The following CLEC19A variants were observed in gnomAD, a reference collection of about 807,000 sequenced individuals.
CLEC19A encodes C-type lectin domain family 19 member A.
A neutral mutation model predicts 26.1 loss-of-function variants in CLEC19A; 21 were observed. The observed-to-expected ratio is 0.80, with a 90% CI of 0.57 to 1.16. The LOEUF is 1.16. Among genes scored for constraint, CLEC19A ranks in the 50% most tolerant of loss-of-function variants. The pLI is 0.00. For missense variants in CLEC19A, 224 were observed against 227.6 expected, an observed-to-expected ratio of 0.98 and a Z score of 0.10; for synonymous variants, 89 against 88.6, an observed-to-expected ratio of 1.00 and a Z score of -0.03.
chr16:19,300,132 G>A (rs1897787264), intron 2 of CLEC19A, among the ~76,000 whole-genome samples: 1 of 152,050 alleles, frequency 6.6e-6, no homozygotes, highest in Admixed American at 6.6e-5. Flanking sequence ...GCTGGGGTAG[G>A]AGAATCGCTT....
chr16:19,307,179 G>A (rs1199502785), intron 3 of CLEC19A, among the ~76,000 whole-genome samples: 2 of 152,172 alleles, frequency 1.3e-5, no homozygotes, highest in Admixed American at 1.3e-4. Flanking sequence ...AGATAGACCT[G>A]GGTTTGATTC....
At chr16:19,298,055 A>C (rs571885706) in intron 1 of CLEC19A, among the ~76,000 whole-genome samples, 1 of 152,134 alleles carries the variant, frequency 6.6e-6, no homozygotes, top group East Asian at 1.9e-4. Flanking sequence ...CTTTGAGAGC[A>C]GCCTGACCAA....
intron 3 of CLEC19A, chr16:19,304,396 TA>T (rs35007845): frequency 0.19 from 38,171 of 196,054 alleles, 2,539 homozygotes; most frequent in Non-Finnish European, 0.23. Flanking sequence ...TGGGTTCTCT[TA>T]AAAAAAAAAA....
intron 2 of CLEC19A, among the ~76,000 whole-genome samples, chr16:19,301,736 G>GTTTTTTTTTGTTTTT (rs1897829577): frequency 3.7e-5 from 3 of 81,498 alleles, no homozygotes; most frequent in Non-Finnish European, 6.9e-5. Context: ...GGTTTTTTTG[G>GTTTTTTTTTGTTTTT]TTTTTTTTTT....
chr16:19,304,984 GCAC>G (rs1897920411), intron 3 of CLEC19A: 1 of 152,374 alleles, frequency 6.6e-6, no homozygotes, highest in Non-Finnish European at 1.5e-5. Flanking sequence ...TCCTGCACCA[GCAC>G]CATTACCCCT....
In CLEC19A at chr16:19,286,979, A is replaced by T. The variant is rs565536592; in HGVS notation, c.88+1040A>T. On this transcript the variant is annotated intron_variant, in intron 1 of 4. Transcript: ENST00000636231. Reference sequence around the variant, plus strand: ...ATGGGACGTATTTATACTAAAAATTATCTGTTTGTTTACCTGAAATCAAAT... The same window carrying T: ...ATGGGACGTATTTATACTAAAAATTTTCTGTTTGTTTACCTGAAATCAAAT... Among the ~76,000 whole-genome samples the T allele has an allele frequency of 5.3e-5, 8 of 151,014 alleles. No homozygotes were observed. In the South Asian group the frequency reaches 8.4e-4, roughly 16 times the overall value.
rs1265259614 is a variant in CLEC19A at position 19,310,475 on chromosome 16, A to G, written c.*1392A>G. 2.6e-5 allele frequency: 4 copies of G among 152,270 alleles called. No individual in the cohort carries two copies. The highest frequency in any genetic ancestry group is 5.9e-5 in the Non-Finnish European group (4 of 68,078). The allele number at this position is 152,270 out of a possible 1,614,324, so 9.4% of individuals were successfully genotyped here. ...GACAGAGCAAGACCCTGTCTCAAAA[A>G]ACAAAAACAAAAAAATGTGATCACA... is the stretch of plus-strand genomic sequence containing the variant. On this transcript the variant is annotated 3_prime_UTR_variant, in exon 5 of 5. Transcript: ENST00000636231.
chr16:19,289,934 G>A (rs960083334), intron 1 of CLEC19A, among the ~76,000 whole-genome samples: 1 of 152,196 alleles, frequency 6.6e-6, no homozygotes, highest in Non-Finnish European at 1.5e-5. Flanking sequence ...AGCCCGCTGG[G>A]AGTGTCTGGG....
chr16:19,296,555 C>A (rs1156317964), intron 1 of CLEC19A, among the ~76,000 whole-genome samples: 6 of 152,158 alleles, frequency 3.9e-5, no homozygotes, highest in South Asian at 2.1e-4. Context: ...TTCTTAGACC[C>A]GCTAATTTCC....
intron 2 of CLEC19A, among the ~76,000 whole-genome samples, chr16:19,299,956 G>T (rs939375088): frequency 5.3e-5 from 8 of 152,280 alleles, no homozygotes; most frequent in African/African-American, 1.9e-4. Context: ...AGGTGTGTTG[G>T]CTCACGCCTG....
chr16:19,306,969 A>G (rs1897969580), intron 3 of CLEC19A, among the ~76,000 whole-genome samples: 1 of 152,216 alleles, frequency 6.6e-6, no homozygotes, highest in South Asian at 2.1e-4. Flanking sequence ...AGTTGTAAAG[A>G]TGTAGTTTTT....
rs573311275 is a variant in CLEC19A at position 19,305,816 on chromosome 16, G to GT, written c.348+1668dup. ...GAAGTAACAGTGTAGTCAGACCTGA[G>GT]TTTTTTTGGGTTTTTTTGCTGTTTT... On this transcript the variant is annotated intron_variant, in intron 3 of 4. Transcript: ENST00000636231. 5.5e-4 allele frequency among the ~76,000 whole-genome samples: 83 copies of GT among 152,026 alleles called. No individual in the cohort carries two copies. In the East Asian group the frequency reaches 7.2e-3, roughly 13 times the overall value.
In CLEC19A at chr16:19,309,163, C is replaced by T. The variant is rs1020916913; in HGVS notation, c.*80C>T. On this transcript the variant is annotated 3_prime_UTR_variant, in exon 5 of 5. Coordinates refer to ENST00000636231, the MANE Select transcript of CLEC19A (RefSeq NM_001256720.2). ...ACCAGTGTAGAATTGACATTGAATACATGTAAAACATACATAGGAAGTAAA... is the reference window on the plus strand; with the variant it reads ...ACCAGTGTAGAATTGACATTGAATATATGTAAAACATACATAGGAAGTAAA... 26 of 994,072 alleles carry T rather than the reference C, an allele frequency of 2.6e-5. No homozygotes were observed. The highest frequency in any genetic ancestry group is 3.0e-4 in the Middle Eastern group (1 of 3,296). The allele number at this position is 994,072 out of a possible 1,614,324, so 61.6% of individuals were successfully genotyped here.
chr16:19,301,735 GGTTTTTTTT>G (rs1897828766), intron 2 of CLEC19A, among the ~76,000 whole-genome samples: 13 of 35,140 alleles, frequency 3.7e-4, no homozygotes, highest in East Asian at 5.4e-4. Flanking sequence ...AGGTTTTTTT[GGTTTTTTTT>G]TTTTTTTTTT....
intron 2 of CLEC19A, among the ~76,000 whole-genome samples, chr16:19,300,547 C>CAA (rs66894914): frequency 1.5e-5 from 2 of 134,658 alleles, no homozygotes. Flanking sequence ...GATCCTATCT[C>CAA]AAAAAAAAAA....
At chr16:19,287,357 A>G (rs1003847610) in intron 1 of CLEC19A, among the ~76,000 whole-genome samples, 2 of 152,018 alleles carry the variant, frequency 1.3e-5, no homozygotes, top group African/African-American at 4.8e-5. Flanking sequence ...CACTAATCCC[A>G]TCATAAGGAT....
At chr16:19,296,003 G>A (rs890853521) in intron 1 of CLEC19A, among the ~76,000 whole-genome samples, 1 of 152,152 alleles carries the variant, frequency 6.6e-6, no homozygotes, top group African/African-American at 2.4e-5. Flanking sequence ...AAAAGGGTGG[G>A]GACAGGCCAA....
At chr16:19,291,461 CTG>C (rs1456338644) in intron 1 of CLEC19A, among the ~76,000 whole-genome samples, 1 of 152,174 alleles carries the variant, frequency 6.6e-6, no homozygotes, top group Non-Finnish European at 1.5e-5. Flanking sequence ...GTTTCTTCAT[CTG>C]TGAAGTGGGG....
At chr16:19,299,962 G>A (rs1359214171) in intron 2 of CLEC19A, among the ~76,000 whole-genome samples, 1 of 152,150 alleles carries the variant, frequency 6.6e-6, no homozygotes, top group Non-Finnish European at 1.5e-5. Flanking sequence ...GTTGGCTCAC[G>A]CCTGTAATCC....
Sources: allele counts gnomAD v4.1 joint callset (sites outside exome capture counted in the v4.1 genomes callset), GRCh38; gene constraint gnomAD v4.1.1; transcripts MANE v1.5; gene names NCBI Gene and HGNC (gene_info 2026-07-23, HGNC 2026-07-21).